Variants in MLLT3 observed in about 807,000 individuals in gnomAD.
MLLT3 encodes the protein MLLT3 super elongation complex subunit.
In MLLT3, 4 loss-of-function variants were observed where a neutral mutation model predicts 53.2. The ratio of observed to expected loss-of-function variants is 0.08; its 90% CI spans 0.04 to 0.17. The LOEUF (loss-of-function observed/expected upper bound fraction) is 0.17, where lower values mean the gene tolerates loss of function less well. Ranked by LOEUF, MLLT3 falls within the 10% of genes least tolerant of loss-of-function variation. The pLI, the probability that MLLT3 is intolerant of heterozygous loss-of-function variation, is 1.00. For synonymous variants in MLLT3, 283 were observed against 230.6 expected, an observed-to-expected ratio of 1.23 and a Z score of -2.06; for missense variants, 569 against 684.0, an observed-to-expected ratio of 0.83 and a Z score of 1.87.
intron 5 of MLLT3, among the ~76,000 whole-genome samples, chr9:20,375,499 C>T (rs992063305): frequency 2.0e-5 from 3 of 152,126 alleles, no homozygotes; most frequent in Non-Finnish European, 4.4e-5. Flanking sequence ...ACACTTCATC[C>T]CAGCGGAGTT....
intron 2 of MLLT3, among the ~76,000 whole-genome samples, chr9:20,517,396 C>G (rs1359739004): frequency 6.6e-6 from 1 of 151,642 alleles, no homozygotes; most frequent in Non-Finnish European, 1.5e-5. Context: ...ATACAATCCC[C>G]CAATAAAAGG....
intron 5 of MLLT3, among the ~76,000 whole-genome samples, chr9:20,393,448 A>G (rs1822239677): frequency 1.3e-5 from 2 of 152,174 alleles, no homozygotes; most frequent in African/African-American, 4.8e-5. Context: ...TCAAAGGCTA[A>G]ATGCTCACAT....
At chr9:20,498,047 CTT>C (rs1280930000) in intron 2 of MLLT3, among the ~76,000 whole-genome samples, 23 of 151,426 alleles carry the variant, frequency 1.5e-4, no homozygotes, top group Non-Finnish European at 2.2e-4. Flanking sequence ...CATGGTGAAA[CTT>C]TGTCTCTACT....
intron 2 of MLLT3, among the ~76,000 whole-genome samples, chr9:20,543,117 A>T (rs1015140920): frequency 6.6e-6 from 1 of 152,172 alleles, no homozygotes; most frequent in Non-Finnish European, 1.5e-5. Flanking sequence ...GGCTGGTTTG[A>T]TCTACCCAGA....
At chr9:20,545,685 A>G (rs1217537290) in intron 2 of MLLT3, among the ~76,000 whole-genome samples, 1 of 152,098 alleles carries the variant, frequency 6.6e-6, no homozygotes, top group Non-Finnish European at 1.5e-5. Context: ...GATTTAAATC[A>G]GCCCGAGCAG....
intron 2 of MLLT3, among the ~76,000 whole-genome samples, chr9:20,579,839 G>C (rs1014789796): frequency 1.3e-5 from 2 of 152,132 alleles, no homozygotes; most frequent in Non-Finnish European, 2.9e-5. Context: ...GCTCAGTATG[G>C]GATGCCTAGG....
intron 2 of MLLT3, among the ~76,000 whole-genome samples, chr9:20,496,334 T>C (rs1238220827): frequency 6.6e-6 from 1 of 152,198 alleles, no homozygotes; most frequent in Non-Finnish European, 1.5e-5. Context: ...TATAAACACC[T>C]TCCATGTAAC....
chr9:20,479,207 T>C (rs549752774), intron 2 of MLLT3, among the ~76,000 whole-genome samples: 5 of 152,186 alleles, frequency 3.3e-5, no homozygotes, highest in Non-Finnish European at 5.9e-5. Context: ...GGTTTGTTTT[T>C]GTTTTTGTTG....
rs1563956655 is a variant in MLLT3, at chr9:20,414,300, A to ACTGCTGCTG, written c.537_545dup (p.Ser188_Ser190dup). 19 of 1,595,740 alleles carry ACTGCTGCTG rather than the reference A, an allele frequency of 1.2e-5. No individual in the cohort carries two copies. Among genetic ancestry groups the ACTGCTGCTG allele is most frequent in the East Asian group, 4.5e-5 (2 of 44,576 alleles). ...TACTACTGCTGCTGCTGCTGCTGCT[A>ACTGCTGCTG]CTGCTGCTGCTACTGCTGCTGCTGC... On this transcript the variant is annotated inframe_insertion, in exon 5 of 11. Transcript: ENST00000380338.
chr9:20,519,658 C>G (rs568939150), intron 2 of MLLT3, among the ~76,000 whole-genome samples: 1 of 152,108 alleles, frequency 6.6e-6, no homozygotes, highest in Non-Finnish European at 1.5e-5. Flanking sequence ...AACCATCTCA[C>G]GTCAGTCAGA....
chr9:20,573,214 TTGG>T (rs994670764), intron 2 of MLLT3, among the ~76,000 whole-genome samples: 2 of 149,388 alleles, frequency 1.3e-5, no homozygotes, highest in Admixed American at 1.4e-4. Flanking sequence ...ACAGTCTCAC[TTGG>T]TCACCCAGGC....
rs188378842 is a variant in MLLT3, at chr9:20,355,160, C to G, written c.1432-281G>C. Among the ~76,000 whole-genome samples, 26 of 150,256 alleles carry G rather than the reference C, an allele frequency of 1.7e-4. No individual in the cohort carries two copies. In the East Asian group the frequency reaches 4.7e-3, roughly 27 times the overall value. ...AGGAAATTGATCTAAGCTTCCAAGGCTGCTTCTCTTTTGCGACAACACTCT... is the reference window on the plus strand; with the variant it reads ...AGGAAATTGATCTAAGCTTCCAAGGGTGCTTCTCTTTTGCGACAACACTCT... On this transcript the variant is annotated intron_variant, in intron 8 of 10. Transcript: ENST00000380338.
At chr9:20,530,778 T>C (rs1487833186) in intron 2 of MLLT3, among the ~76,000 whole-genome samples, 2 of 152,128 alleles carry the variant, frequency 1.3e-5, no homozygotes, top group Admixed American at 6.5e-5. Flanking sequence ...AATACAAGCA[T>C]GCACCACGAC....
chr9:20,365,341 TTTG>T (rs1821423208), intron 6 of MLLT3, among the ~76,000 whole-genome samples: 1 of 152,110 alleles, frequency 6.6e-6, no homozygotes, highest in East Asian at 1.9e-4. Flanking sequence ...TTTGTTTTGT[TTTG>T]TTTTCTTTTT....
chr9:20,513,999 T>C (rs1000222192), intron 2 of MLLT3, among the ~76,000 whole-genome samples: 5 of 152,300 alleles, frequency 3.3e-5, no homozygotes, highest in African/African-American at 7.2e-5. Context: ...CAGGAGATTC[T>C]GATGGAAAGT....
chr9:20,556,859 A>G lies in MLLT3; in HGVS notation c.193+63795T>C, dbSNP rs538894070. Among the ~76,000 whole-genome samples, 227 of 152,260 alleles carry G rather than the reference A, an allele frequency of 1.5e-3. 1 individual carries two copies. The highest frequency in any genetic ancestry group is 1.8e-3 in the Non-Finnish European group (122 of 68,020). On this transcript the variant is annotated intron_variant, in intron 2 of 10. Transcript: ENST00000380338. ...CAGCTCTACTTAAGTATATTATGTAAAAGGCCTATTTTTAAAAGCCAATTT... is the reference window on the plus strand; with the variant it reads ...CAGCTCTACTTAAGTATATTATGTAGAAGGCCTATTTTTAAAAGCCAATTT...
rs1040658257 is a variant in MLLT3 at position 20,406,017 on chromosome 9, C to T, written c.1125+7704G>A. ...ATTCCAGCTTCTCGGGAGGCTGAGG[C>T]AGCAGAATCGCTTGAACCTAGGAGG... On this transcript the variant is annotated intron_variant, in intron 5 of 10. Transcript: ENST00000380338. Among the ~76,000 whole-genome samples, 7 of 151,980 alleles carry T rather than the reference C, an allele frequency of 4.6e-5. No homozygotes were observed. The East Asian group carries it at 1.3e-3, about 29-fold the overall frequency.
At chr9:20,601,930 G>A (rs780304617) in intron 2 of MLLT3, among the ~76,000 whole-genome samples, 2 of 152,028 alleles carry the variant, frequency 1.3e-5, no homozygotes, top group Non-Finnish European at 2.9e-5. Flanking sequence ...CTGGCTCTTT[G>A]ATATCCAGCT....
intron 2 of MLLT3, among the ~76,000 whole-genome samples, chr9:20,594,127 G>C (rs149505171): frequency 1.1e-3 from 172 of 152,060 alleles, no homozygotes; most frequent in African/African-American, 3.9e-3. Context: ...TTTTAGTAGA[G>C]ACAGAGTTTC....
Sources: allele counts gnomAD v4.1 joint callset (sites outside exome capture counted in the v4.1 genomes callset), GRCh38; gene constraint gnomAD v4.1.1; transcripts MANE v1.5; gene names NCBI Gene and HGNC (gene_info 2026-07-23, HGNC 2026-07-21).